The following BFSP1 variants were observed in gnomAD, a reference collection of about 807,000 sequenced individuals.
BFSP1 encodes the protein filensin.
A neutral mutation model predicts 43.9 loss-of-function variants in BFSP1; 38 were observed. The observed-to-expected ratio is 0.87, with a 90% confidence interval of 0.67 to 1.14. BFSP1 has a LOEUF of 1.14. BFSP1 is among the 50% of genes most tolerant of loss of function. The pLI is 0.00. For synonymous variants in BFSP1, 352 were observed against 354.8 expected, an observed-to-expected ratio of 0.99 and a Z score of 0.09; for missense variants, 850 against 875.1, an observed-to-expected ratio of 0.97 and a Z score of 0.36.
At chr20:17,513,054 A>C (rs1321427072) in intron 3 of BFSP1, among the ~76,000 whole-genome samples, 2 of 152,140 alleles carry the variant, frequency 1.3e-5, no homozygotes, top group African/African-American at 2.4e-5. Context: ...TCCCCAACCC[A>C]GGCCAACGAC....
intron 5 of BFSP1, among the ~76,000 whole-genome samples, chr20:17,506,092 T>C (rs1412278590): frequency 6.6e-6 from 1 of 151,822 alleles, no homozygotes; most frequent in Non-Finnish European, 1.5e-5. Flanking sequence ...AGGAAGAGGG[T>C]TCAGAGTTCG....
At chr20:17,532,672 A>T (rs1251881257), upstream of BFSP1, among the ~76,000 whole-genome samples, 1 of 151,358 alleles carries the variant, frequency 6.6e-6, no homozygotes. Flanking sequence ...AAGCTTTTAA[A>T]ATATATATAT....
At chr20:17,532,141 G>T (rs1299268928), upstream of BFSP1, among the ~76,000 whole-genome samples, 1 of 152,208 alleles carries the variant, frequency 6.6e-6, no homozygotes, top group Non-Finnish European at 1.5e-5. Flanking sequence ...GCCTGTAATA[G>T]GTGGTTCACG....
intron 1 of BFSP1, among the ~76,000 whole-genome samples, chr20:17,540,675 G>A (rs1337960805): frequency 2.6e-5 from 4 of 152,022 alleles, no homozygotes; most frequent in Non-Finnish European, 4.4e-5. Flanking sequence ...TCTCTAAAAC[G>A]CTGAAAGCCT....
chr20:17,524,036 C>T (rs538605935), intron 2 of BFSP1, among the ~76,000 whole-genome samples: 7 of 152,164 alleles, frequency 4.6e-5, no homozygotes, highest in South Asian at 4.2e-4. Flanking sequence ...ATGGAAGGGG[C>T]GGGGAAGGGC....
intron 1 of BFSP1, among the ~76,000 whole-genome samples, chr20:17,566,117 C>CAAAA (rs34133165): frequency 1.1e-5 from 1 of 88,344 alleles, no homozygotes; most frequent in African/African-American, 4.2e-5. Context: ...GACTCCGTCT[C>CAAAA]AAAAAAAAAA....
At chr20:17,513,385 G>T (rs552384151) in intron 3 of BFSP1, among the ~76,000 whole-genome samples, 1 of 152,172 alleles carries the variant, frequency 6.6e-6, no homozygotes, top group African/African-American at 2.4e-5. Flanking sequence ...CAGTGTGAGC[G>T]ATCATCATCA....
intron 1 of BFSP1, among the ~76,000 whole-genome samples, chr20:17,538,013 TG>T (rs73617207): frequency 0.1 from 15,701 of 151,798 alleles, 908 homozygotes; most frequent in African/African-American, 0.15. Flanking sequence ...TCCAGCTACT[TG>T]GGAGGCTGAG....
chr20:17,525,877 T>G lies in BFSP1; in HGVS notation c.378-969A>C, dbSNP rs1273778472. Among the ~76,000 whole-genome samples the G allele has an allele frequency of 6.6e-6, 1 of 152,130 alleles. No homozygotes were observed. Among genetic ancestry groups the G allele is most frequent in the Non-Finnish European group, 1.5e-5 (1 of 68,014 alleles). On this transcript the variant is annotated intron_variant, in intron 1 of 7. Transcript: ENST00000377873. The surrounding 1 kb of genome is among the most constrained non-coding windows in gnomAD (Gnocchi z 4.2). The stretch of plus-strand genomic sequence containing the variant: ...GACCAATGGGATGGAAGCATAAGTC[T>G]GCATGGCAGCTTCCAGATACCTTTA...
At chr20:17,522,966 T>A (rs2034348000) in intron 2 of BFSP1, among the ~76,000 whole-genome samples, 1 of 152,190 alleles carries the variant, frequency 6.6e-6, no homozygotes, top group East Asian at 1.9e-4. Flanking sequence ...ACTGTCTTAC[T>A]TGGACCCAGG....
intron 1 of BFSP1, among the ~76,000 whole-genome samples, chr20:17,545,819 A>G (rs1156767851): frequency 1.3e-5 from 2 of 152,272 alleles, no homozygotes; most frequent in Non-Finnish European, 2.9e-5. Flanking sequence ...ACAGAATAAT[A>G]CATTTTGTCA....
chr20:17,511,889 CAG>C, intron 4 of BFSP1, 85 bp downstream of exon 4: 1 of 1,230,844 alleles, frequency 8.1e-7, no homozygotes, highest in Non-Finnish European at 1.2e-6. Context: ...GCCGCCCTCA[CAG>C]TCCAACCTGT....
chr20:17,535,067 T>A (rs2034604914), upstream of BFSP1, among the ~76,000 whole-genome samples: 1 of 152,070 alleles, frequency 6.6e-6, no homozygotes, highest in Non-Finnish European at 1.5e-5. Flanking sequence ...CTAGACTGGA[T>A]CTTGTATTGG....
At chr20:17,513,121 T>G (rs2034125017) in intron 3 of BFSP1, among the ~76,000 whole-genome samples, 1 of 152,140 alleles carries the variant, frequency 6.6e-6, no homozygotes, top group Non-Finnish European at 1.5e-5. Flanking sequence ...GACCCAGCTG[T>G]GGTGTAATTC....
intron 1 of BFSP1, among the ~76,000 whole-genome samples, chr20:17,542,697 C>G (rs988421236): frequency 2.0e-5 from 3 of 152,134 alleles, no homozygotes; most frequent in African/African-American, 7.2e-5. Context: ...GCATTCTTTC[C>G]TCAGTCTCAT....
chr20:17,548,196 A>AG (rs1035708892), intron 1 of BFSP1, among the ~76,000 whole-genome samples: 8 of 150,316 alleles, frequency 5.3e-5, no homozygotes, highest in South Asian at 2.1e-4. Context: ...AAAAAAAAAA[A>AG]AAAGAAAAAC....
chr20:17,506,118 G>A (rs528692687), intron 5 of BFSP1, among the ~76,000 whole-genome samples: 2 of 152,294 alleles, frequency 1.3e-5, no homozygotes, highest in African/African-American at 4.8e-5. Context: ...GGCTCCGAAC[G>A]TGGAGGGGCC....
chr20:17,510,447 T>G (rs147539444), intron 4 of BFSP1, among the ~76,000 whole-genome samples: 1 of 152,214 alleles, frequency 6.6e-6, no homozygotes, highest in African/African-American at 2.4e-5. Context: ...AGGAAAAGTT[T>G]TTTTAGGCCT....
At chr20:17,504,174 C>A (rs934374611) in intron 5 of BFSP1, among the ~76,000 whole-genome samples, 2 of 152,138 alleles carry the variant, frequency 1.3e-5, no homozygotes, top group African/African-American at 4.8e-5. Context: ...AGCCCCCATC[C>A]CCCACATGAC....
Sources: gnomAD v4.1 joint callset for allele counts (sites outside exome capture counted in the v4.1 genomes callset) on GRCh38, gnomAD v4.1.1 for gene constraint, Gnocchi (gnomAD v3.1) non-coding constraint, MANE v1.5 for transcripts, NCBI Gene and HGNC (gene_info 2026-07-23, HGNC 2026-07-21) for gene names.